TMEM131L: variants seen among roughly 807,000 people sequenced by gnomAD.
TMEM131L encodes transmembrane 131 like, also known as transmembrane protein 131-like.
Under a neutral mutation model 192.2 loss-of-function variants are expected in TMEM131L, and 54 were observed. The observed-to-expected ratio is 0.28, with a 90% CI of 0.23 to 0.35. The LOEUF is 0.35. Among genes scored for constraint, TMEM131L ranks in the 10% least tolerant of loss-of-function variants. TMEM131L has a pLI of 1.00. For synonymous variants in TMEM131L, 701 were observed against 704.9 expected (o/e 0.99, Z 0.09); for missense variants, 1,888 against 1,972.9 (o/e 0.96, Z 0.82).
In TMEM131L at chr4:153,503,908, C is replaced by T. The variant is rs534214739; in HGVS notation, c.239+30020C>T. 3.1e-4 allele frequency among the ~76,000 whole-genome samples: 47 copies of T among 152,308 alleles called. No individual in the cohort carries two copies. The South Asian group carries it at 7.9e-3, about 26-fold the overall frequency. On this transcript the variant is annotated intron_variant, in intron 3 of 34. Coordinates refer to ENST00000409959, the MANE Select transcript of TMEM131L (RefSeq NM_001131007.2). Reference sequence around the variant, plus strand: ...AAACCTCACTTCTCTGATTTTTCAACGTATATTGAAGCCTTTGCTTTTAAA... The same window carrying T: ...AAACCTCACTTCTCTGATTTTTCAATGTATATTGAAGCCTTTGCTTTTAAA...
rs112644508 is a variant in TMEM131L, at chr4:153,526,420, C to T, written c.240-23653C>T. Among the ~76,000 whole-genome samples, 630 of 152,224 alleles carry T rather than the reference C, an allele frequency of 4.1e-3. 2 individuals are homozygous for T. Among genetic ancestry groups the T allele is most frequent in the African/African-American group, 0.013 (554 of 41,524 alleles). ...GGATAGAGGATGCAGGGATGAAGGA[C>T]GCACTCCCTGCCCTCAGGAAGCTTG... is the stretch of plus-strand genomic sequence containing the variant. On this transcript the variant is annotated intron_variant, in intron 3 of 34. Coordinates refer to ENST00000409959, the MANE Select transcript of TMEM131L (RefSeq NM_001131007.2).
Position 153,579,655 on chromosome 4 carries a change from A to G in TMEM131L, c.661-1171A>G, listed in dbSNP as rs574018163. On this transcript the variant is annotated intron_variant, in intron 7 of 34. Transcript: ENST00000409959. Reference sequence around the variant, plus strand: ...CCTGGCTAATTCTGGTATTTTTTCTAGTAGAGACGGGGTTTTGCCATGTCT... The same window carrying G: ...CCTGGCTAATTCTGGTATTTTTTCTGGTAGAGACGGGGTTTTGCCATGTCT... Among the ~76,000 whole-genome samples, 5 of 152,180 alleles carry G rather than the reference A, an allele frequency of 3.3e-5. No homozygotes were observed. In the South Asian group the frequency reaches 1.0e-3, roughly 32 times the overall value.
chr4:153,537,037 C>G (rs1307460101), intron 3 of TMEM131L, among the ~76,000 whole-genome samples: 1 of 152,206 alleles, frequency 6.6e-6, no homozygotes, highest in African/African-American at 2.4e-5. Flanking sequence ...AAGGGTGGGT[C>G]TGCCTTTCCC....
chr4:153,481,624 C>T (rs1389488577), intron 3 of TMEM131L, among the ~76,000 whole-genome samples: 1 of 152,186 alleles, frequency 6.6e-6, no homozygotes, highest in East Asian at 1.9e-4. Flanking sequence ...CAACCTCCGC[C>T]TCCTGGGCTT....
chr4:153,613,248 G>A (rs768345743), intron 26 of TMEM131L, among the ~76,000 whole-genome samples: 13 of 152,276 alleles, frequency 8.5e-5, no homozygotes, highest in Admixed American at 2.0e-4. Context: ...CATAATAAAG[G>A]TCTCTTGTTG....
chr4:153,467,143 T>C, intron 1 of TMEM131L, 68 bp from the exon 2 acceptor site: 1 of 1,448,642 alleles, frequency 6.9e-7, no homozygotes, highest in South Asian at 1.2e-5. Context: ...GGAGGGACGG[T>C]AGGGGAAACA....
chr4:153,606,469 G>A (rs575798078), intron 25 of TMEM131L, among the ~76,000 whole-genome samples: 3 of 152,322 alleles, frequency 2.0e-5, no homozygotes, highest in South Asian at 4.1e-4. Context: ...AGGCATGGAT[G>A]AGAAATGTAG....
At position 153,620,713 on chromosome 4, in the gene TMEM131L, A is replaced by C. The variant is rs374785834; in HGVS notation, c.3568-43A>C. On this transcript the variant is annotated intron_variant, in intron 26 of 34. Transcript: ENST00000409959. ...CAAACATTTAAACATGTTTTTATTC[A>C]TATTTAGTTTAAACCATTAAACATT... 121 of 1,272,656 alleles carry C rather than the reference A, an allele frequency of 9.5e-5. No individual in the cohort carries two copies. In the African/African-American group the frequency reaches 1.7e-3, roughly 18 times the overall value. The allele number at this position is 1,272,656 out of a possible 1,614,324, so 78.8% of individuals were successfully genotyped here. A position where few individuals can be genotyped will look rare whatever the true frequency, so the allele number is the denominator to read the frequency against.
intron 7 of TMEM131L, among the ~76,000 whole-genome samples, chr4:153,569,800 C>T (rs1729461670): frequency 6.6e-6 from 1 of 152,208 alleles, no homozygotes; most frequent in Admixed American, 6.5e-5. Flanking sequence ...TGGCACATAG[C>T]TGAAATGCCT....
At chr4:153,602,818 A>G in intron 23 of TMEM131L, 91 bp downstream of exon 23, 1 of 1,100,742 alleles carries the variant, frequency 9.1e-7, no homozygotes. Context: ...GAGTGTAGTC[A>G]AAGTATATGA....
intron 3 of TMEM131L, among the ~76,000 whole-genome samples, chr4:153,531,641 C>T (rs183877813): frequency 5.9e-5 from 9 of 152,224 alleles, no homozygotes; most frequent in African/African-American, 1.9e-4. Flanking sequence ...CAGTATAATA[C>T]GCTATTTTAT....
chr4:153,542,713 G>A (rs1259024314), intron 3 of TMEM131L, among the ~76,000 whole-genome samples: 4 of 152,202 alleles, frequency 2.6e-5, no homozygotes, highest in African/African-American at 9.7e-5. Flanking sequence ...AGGACTTGAA[G>A]CGGCTAGGGA....
In TMEM131L at chr4:153,583,206, T is replaced by C. The variant is rs780324054; in HGVS notation, c.909T>C (p.Asn303=). The change falls in exon 10 of 35, where the codon AAT becomes AAC. Residue 303 remains asparagine (N), a synonymous_variant. Coordinates refer to ENST00000409959, the MANE Select transcript of TMEM131L (RefSeq NM_001131007.2). ...TTTGGACAGATGATTCAGCAGTAAA[T>C]ATGTATATATTACATTCAGGAAACA... ...ESETSDDSAV[N]MYILHSGNSL... 2.1e-6 allele frequency: 3 copies of C among 1,447,080 alleles called. No homozygotes were observed. Among genetic ancestry groups the C allele is most frequent in the Non-Finnish European group, 2.9e-6 (3 of 1,028,000 alleles). 89.6% of individuals were successfully genotyped at this position (1,447,080 alleles called of 1,614,324 possible).
intron 3 of TMEM131L, among the ~76,000 whole-genome samples, chr4:153,509,801 G>T (rs1251754593): frequency 6.6e-6 from 1 of 152,166 alleles, no homozygotes; most frequent in African/African-American, 2.4e-5. Flanking sequence ...AATCCCTGGG[G>T]AGTTCTTTAA....
At chr4:153,615,347 G>A (rs1732902865) in intron 26 of TMEM131L, among the ~76,000 whole-genome samples, 1 of 152,230 alleles carries the variant, frequency 6.6e-6, no homozygotes, top group African/African-American at 2.4e-5. Flanking sequence ...GTAGTAGACA[G>A]TGGGAGGTGG....
chr4:153,575,246 C>G (rs1225672639), intron 7 of TMEM131L, among the ~76,000 whole-genome samples: 1 of 152,158 alleles, frequency 6.6e-6, no homozygotes, highest in Non-Finnish European at 1.5e-5. Flanking sequence ...AGGGCACCAG[C>G]AATTCCTTAG....
intron 26 of TMEM131L, among the ~76,000 whole-genome samples, chr4:153,615,876 C>T (rs888182252): frequency 6.6e-6 from 1 of 152,202 alleles, no homozygotes; most frequent in African/African-American, 2.4e-5. Context: ...TTCAAACTCT[C>T]CTCCCAGTAC....
chr4:153,574,520 C>G (rs1729804383), intron 7 of TMEM131L, among the ~76,000 whole-genome samples: 1 of 152,176 alleles, frequency 6.6e-6, no homozygotes, highest in Non-Finnish European at 1.5e-5. Flanking sequence ...GTGCATAATA[C>G]TGTGTGTGGG....
intron 7 of TMEM131L, among the ~76,000 whole-genome samples, chr4:153,576,846 C>G (rs1411079877): frequency 6.6e-6 from 1 of 152,078 alleles, no homozygotes; most frequent in African/African-American, 2.4e-5. Flanking sequence ...TTTCAAGCTT[C>G]TCTTGCCCTT....
Sources: gnomAD v4.1 joint callset for allele counts (sites outside exome capture counted in the v4.1 genomes callset) on GRCh38, gnomAD v4.1.1 for gene constraint, MANE v1.5 for transcripts, NCBI Gene and HGNC (gene_info 2026-07-23, HGNC 2026-07-21) for gene names.